The following JAKMIP1 variants were observed in gnomAD, a reference collection of about 807,000 sequenced individuals.
JAKMIP1 encodes the protein janus kinase and microtubule interacting protein 1, also known as janus kinase and microtubule-interacting protein 1.
In JAKMIP1, 33 loss-of-function variants were observed where a neutral mutation model predicts 113.0. The ratio of observed to expected loss-of-function variants is 0.29; its 90% CI spans 0.22 to 0.39. The LOEUF (loss-of-function observed/expected upper bound fraction) is 0.39, where lower values mean the gene tolerates loss of function less well. Ranked by LOEUF, JAKMIP1 falls within the 10% of genes least tolerant of loss-of-function variation. JAKMIP1 has a pLI of 1.00. For missense variants in JAKMIP1, 813 were observed against 1,080.5 expected, an observed-to-expected ratio of 0.75 and a Z score of 3.47; for synonymous variants, 480 against 459.9, an observed-to-expected ratio of 1.04 and a Z score of -0.56.
At chr4:6,047,127 G>A (rs910750328) in intron 16 of JAKMIP1, among the ~76,000 whole-genome samples, 1 of 152,218 alleles carries the variant, frequency 6.6e-6, no homozygotes, top group Admixed American at 6.5e-5. Context: ...TGTCATGGCT[G>A]AGAGAGATGT....
rs1205228695 is a variant in JAKMIP1, at chr4:6,050,566, C to T, written c.1908+12G>A. The T allele has an allele frequency of 1.3e-6, 2 of 1,554,084 alleles. No individual in the cohort carries two copies. The highest frequency in any genetic ancestry group is 1.9e-5 in the Admixed American group (1 of 51,684). Reference sequence around the variant, plus strand: ...GCTGGCATTCAGCAGAGGCACCCCCCAGGCACGCTACCTTAACTCCTTCCT... The same window carrying T: ...GCTGGCATTCAGCAGAGGCACCCCCTAGGCACGCTACCTTAACTCCTTCCT... On this transcript the variant is annotated intron_variant, in intron 14 of 20. Transcript: ENST00000409021. The surrounding 1 kb of genome is among the most constrained non-coding windows in gnomAD (Gnocchi z 7.4).
rs531248598 is a variant in JAKMIP1 at position 6,194,711 on chromosome 4, C to G, written c.-148+5542G>C. 6.6e-6 allele frequency: 1 copy of G among 152,176 alleles called. No homozygotes were observed. The highest frequency in any genetic ancestry group is 1.5e-5 in the Non-Finnish European group (1 of 68,060). 9.4% of individuals were successfully genotyped at this position (152,176 alleles called of 1,614,324 possible). A position where few individuals can be genotyped will look rare whatever the true frequency, so the allele number is the denominator to read the frequency against. ...GGGTATTTCTGCCACAATGAGCACC[C>G]ACTGGCAGTCCCTGGCTGGTGCACA... On this transcript the variant is annotated intron_variant, in intron 1 of 20. Transcript: ENST00000409021. The surrounding 1 kb of genome is among the most constrained non-coding windows in gnomAD (Gnocchi z 7.4).
Position 6,050,636 on chromosome 4 carries a change from G to T in JAKMIP1, c.1850C>A (p.Thr617Asn). 6.3e-7 allele frequency: 1 copy of T among 1,575,446 alleles called. No individual in the cohort carries two copies. The highest frequency in any genetic ancestry group is 8.6e-7 in the Non-Finnish European group (1 of 1,159,936). The change falls in exon 14 of 21, where the codon ACC becomes AAC. Residue 617 changes from threonine (T) to asparagine (N), a missense_variant. Transcript: ENST00000409021. The surrounding 1 kb of genome is among the most constrained non-coding windows in gnomAD (Gnocchi z 7.4). ...AGCGCTGCTGTGGTTCTCGGGGAAGGTGGTGATTTGGAGGTTAAATGCTGG... is the reference window on the plus strand; with the variant it reads ...AGCGCTGCTGTGGTTCTCGGGGAAGTTGGTGATTTGGAGGTTAAATGCTGG... Reference protein sequence around the residue: ...RSPAFNLQITTFPENHSSALQ... With the variant: ...RSPAFNLQITNFPENHSSALQ...
At chr4:6,111,706 C>A (rs1004950940) in intron 2 of JAKMIP1, among the ~76,000 whole-genome samples, 1 of 152,190 alleles carries the variant, frequency 6.6e-6, no homozygotes, top group African/African-American at 2.4e-5. Context: ...TGTGACAGCC[C>A]GTGCTTTAAT....
chr4:6,101,364 G>A (rs1171897895), intron 3 of JAKMIP1, among the ~76,000 whole-genome samples: 1 of 151,944 alleles, frequency 6.6e-6, no homozygotes, highest in African/African-American at 2.4e-5. Flanking sequence ...ATAGTGAACT[G>A]CCACGGTATC....
At chr4:6,077,069 A>G (rs897750704) in intron 8 of JAKMIP1, among the ~76,000 whole-genome samples, 1 of 152,206 alleles carries the variant, frequency 6.6e-6, no homozygotes, top group African/African-American at 2.4e-5. Context: ...AAATCCTTCA[A>G]TTTCATATAA....
Position 6,161,645 on chromosome 4 carries a change from G to A in JAKMIP1, c.-148+38608C>T, listed in dbSNP as rs556379713. Among the ~76,000 whole-genome samples, 253 of 152,162 alleles carry A rather than the reference G, an allele frequency of 1.7e-3. 3 individuals carry two copies. Among genetic ancestry groups the A allele is most frequent in the African/African-American group, 5.7e-3 (237 of 41,520 alleles). On this transcript the variant is annotated intron_variant, in intron 1 of 20. Transcript: ENST00000409021. ...GAACCCACAGAGGGTCTGGGTCTCCGAGCCTTGGACTCAGGAAGTCCACCT... is the reference window on the plus strand; with the variant it reads ...GAACCCACAGAGGGTCTGGGTCTCCAAGCCTTGGACTCAGGAAGTCCACCT...
At position 6,178,882 on chromosome 4, in the gene JAKMIP1, T is replaced by C. The variant is rs1367717038; in HGVS notation, c.-148+21371A>G. Reference sequence around the variant, plus strand: ...TGATTAAGGTCCCTCCCTCTTCACATGGGATTGTTCACCAGCTGTCTCCCT... The same window carrying C: ...TGATTAAGGTCCCTCCCTCTTCACACGGGATTGTTCACCAGCTGTCTCCCT... On this transcript the variant is annotated intron_variant, in intron 1 of 20. Coordinates refer to ENST00000409021, the MANE Select transcript of JAKMIP1 (RefSeq NM_001099433.2). The surrounding 1 kb of genome is among the most constrained non-coding windows in gnomAD (Gnocchi z 5.5). 6.6e-6 allele frequency among the ~76,000 whole-genome samples: 1 copy of C among 152,176 alleles called. No homozygotes were observed. The highest frequency in any genetic ancestry group is 1.5e-5 in the Non-Finnish European group (1 of 68,046).
Position 6,065,052 on chromosome 4 carries a change from G to C in JAKMIP1, c.1303-44C>G. ...ATGATGTTAGCAACGACTGAGGATT[G>C]CCAGAGTCTACCAGTCCCTGGTCGT... On this transcript the variant is annotated intron_variant, in intron 8 of 20. Transcript: ENST00000409021. The surrounding 1 kb of genome is among the most constrained non-coding windows in gnomAD (Gnocchi z 5.1). The C allele has an allele frequency of 6.2e-7, 1 of 1,612,088 alleles. No individual in the cohort carries two copies. The highest frequency in any genetic ancestry group is 8.5e-7 in the Non-Finnish European group (1 of 1,179,150).
rs1334258561 is a variant in JAKMIP1, at chr4:6,050,990, C to T, written c.1807-311G>A. Among the ~76,000 whole-genome samples, 1 of 152,188 alleles carries T rather than the reference C, an allele frequency of 6.6e-6. No individual in the cohort carries two copies. The highest frequency in any genetic ancestry group is 1.5e-5 in the Non-Finnish European group (1 of 68,036). On this transcript the variant is annotated intron_variant, in intron 13 of 20. Coordinates refer to ENST00000409021, the MANE Select transcript of JAKMIP1 (RefSeq NM_001099433.2). This position sits in a 1 kb window ranked among gnomAD's most constrained non-coding sequence, Gnocchi z 7.4. ...TCACAGAATTACAAAATTTAAAAAA[C>T]ACAGTTGCACTAAATTTGAATAGAC... is the stretch of plus-strand genomic sequence containing the variant.
At position 6,167,863 on chromosome 4, in the gene JAKMIP1, G is replaced by A. The variant is rs188557594; in HGVS notation, c.-148+32390C>T. On this transcript the variant is annotated intron_variant, in intron 1 of 20. Coordinates refer to ENST00000409021, the MANE Select transcript of JAKMIP1 (RefSeq NM_001099433.2). The surrounding 1 kb of genome is among the most constrained non-coding windows in gnomAD (Gnocchi z 5.3). ...CACTGAATGCTTCGGTTTAGAGCAT[G>A]CCAGAAATCAGAGCTGGCTAGGACC... is the stretch of plus-strand genomic sequence containing the variant. Among the ~76,000 whole-genome samples, 48 of 152,340 alleles carry A rather than the reference G, an allele frequency of 3.2e-4. No individual in the cohort carries two copies. Among genetic ancestry groups the A allele is most frequent in the Non-Finnish European group, 5.3e-4 (36 of 68,038 alleles).
At chr4:6,096,426 T>A (rs928260879) in intron 3 of JAKMIP1, among the ~76,000 whole-genome samples, 3 of 152,216 alleles carry the variant, frequency 2.0e-5, no homozygotes, top group African/African-American at 7.2e-5. Context: ...GCCACATTGT[T>A]TAAAGACTGT....
chr4:6,102,328 TATC>T (rs1332722835), intron 3 of JAKMIP1, among the ~76,000 whole-genome samples: 1 of 152,240 alleles, frequency 6.6e-6, no homozygotes, highest in Admixed American at 6.5e-5. Context: ...CATTGAAACT[TATC>T]ATCAGTGTGA....
intron 1 of JAKMIP1, among the ~76,000 whole-genome samples, chr4:6,175,868 C>T (rs935599545): frequency 3.9e-5 from 6 of 152,242 alleles, no homozygotes; most frequent in Non-Finnish European, 2.9e-5. Context: ...ATCATCTTGA[C>T]CCATCAAGGC....
intron 1 of JAKMIP1, among the ~76,000 whole-genome samples, chr4:6,123,093 G>T (rs185152743): frequency 1.3e-3 from 195 of 152,294 alleles, no homozygotes; most frequent in Non-Finnish European, 1.9e-3. Context: ...AATGCAAAAG[G>T]CTCTGTTAGT....
rs1015797994 is a variant in JAKMIP1, at chr4:6,180,584, T to C, written c.-148+19669A>G. 6.6e-6 allele frequency among the ~76,000 whole-genome samples: 1 copy of C among 152,218 alleles called. No individual in the cohort carries two copies. Among genetic ancestry groups the C allele is most frequent in the African/African-American group, 2.4e-5 (1 of 41,462 alleles). Reference sequence around the variant, plus strand: ...GTCACCATTTATATAGCTCTCACTGTGTAGCAGGAACTGTTTCAAACTGTC... The same window carrying C: ...GTCACCATTTATATAGCTCTCACTGCGTAGCAGGAACTGTTTCAAACTGTC... On this transcript the variant is annotated intron_variant, in intron 1 of 20. Transcript: ENST00000409021. This position sits in a 1 kb window ranked among gnomAD's most constrained non-coding sequence, Gnocchi z 4.5.
At chr4:6,118,942 A>G (rs1487035518) in intron 1 of JAKMIP1, among the ~76,000 whole-genome samples, 1 of 152,258 alleles carries the variant, frequency 6.6e-6, no homozygotes, top group Admixed American at 6.5e-5. Context: ...GATGAAGTCT[A>G]AATCCATTGA....
intron 1 of JAKMIP1, among the ~76,000 whole-genome samples, chr4:6,161,501 C>T (rs1412709798): frequency 2.0e-5 from 3 of 151,680 alleles, no homozygotes; most frequent in Admixed American, 2.0e-4. Context: ...AGACTCTGAC[C>T]AAGAAGTTAT....
chr4:6,080,984 T>TAC lies in JAKMIP1; in HGVS notation c.1101+623_1101+624dup, dbSNP rs71173403. On this transcript the variant is annotated intron_variant, in intron 6 of 20. Coordinates refer to ENST00000409021, the MANE Select transcript of JAKMIP1 (RefSeq NM_001099433.2). This position sits in a 1 kb window ranked among gnomAD's most constrained non-coding sequence, Gnocchi z 6.0. ...GGAGAGGACTTCACACAACAGCAATTACACACACACACACACACACACACA... is the reference window on the plus strand; with the variant it reads ...GGAGAGGACTTCACACAACAGCAATTACACACACACACACACACACACACACA... Among the ~76,000 whole-genome samples the TAC allele has an allele frequency of 3.1e-3, 440 of 140,886 alleles. 3 individuals carry two copies. The highest frequency in any genetic ancestry group is 4.2e-3 in the South Asian group (18 of 4,268). The allele number at this position is 140,886 out of a possible 152,430, so 92.4% of individuals were successfully genotyped here.
Sources: allele counts gnomAD v4.1 joint callset (sites outside exome capture counted in the v4.1 genomes callset), GRCh38; gene constraint gnomAD v4.1.1; non-coding constraint Gnocchi (gnomAD v3.1); transcripts MANE v1.5; gene names NCBI Gene and HGNC (gene_info 2026-07-23, HGNC 2026-07-21).